Variants in DENND1B observed in about 807,000 individuals in gnomAD.
DENND1B encodes DENN domain-containing protein 1B.
Under a neutral mutation model 90.1 loss-of-function variants are expected in DENND1B, and 59 were observed. That is an observed-to-expected ratio of 0.65 (90% confidence interval 0.53 to 0.81). The LOEUF is 0.81. Among genes scored for constraint, DENND1B ranks in the 40% least tolerant of loss-of-function variants. The pLI is 0.00. For missense variants in DENND1B, 862 were observed against 912.6 expected (o/e 0.94, Z 0.71); for synonymous variants, 337 against 324.6 (o/e 1.04, Z -0.41).
At chr1:197,735,812 CA>C in intron 2 of DENND1B, 1 of 1,607,060 alleles carries the variant, frequency 6.2e-7, no homozygotes. Flanking sequence ...GAAAGAAGCA[CA>C]AAAAGGGACA....
intron 16 of DENND1B, 179 bp downstream of exon 16, chr1:197,552,843 G>GT (rs1671353896): frequency 1.5e-6 from 2 of 1,363,210 alleles, no homozygotes; most frequent in African/African-American, 3.1e-5. Flanking sequence ...TGAGTAACAG[G>GT]TATCAGGCAA....
At chr1:197,664,838 T>C (rs1654781483) in intron 5 of DENND1B, among the ~76,000 whole-genome samples, 1 of 152,020 alleles carries the variant, frequency 6.6e-6, no homozygotes, top group Non-Finnish European at 1.5e-5. Context: ...AGCTTTAGGT[T>C]TGGAATGAGT....
upstream of DENND1B, among the ~76,000 whole-genome samples, chr1:197,779,709 T>C (rs895566414): frequency 4.6e-5 from 7 of 151,630 alleles, no homozygotes; most frequent in African/African-American, 1.2e-4. Context: ...AAGTTCTGTT[T>C]GGTTATTTTC....
chr1:197,526,438 G>A (rs1239087588), intron 20 of DENND1B, among the ~76,000 whole-genome samples: 2 of 151,260 alleles, frequency 1.3e-5, no homozygotes, highest in Admixed American at 6.6e-5. Context: ...AAGGCAACAG[G>A]GAAAAAAAAC....
intron 10 of DENND1B, among the ~76,000 whole-genome samples, chr1:197,632,039 C>A (rs574345985): frequency 3.9e-5 from 6 of 152,040 alleles, no homozygotes; most frequent in East Asian, 3.9e-4. Flanking sequence ...TTTCTAAAAC[C>A]CAACCTCACC....
chr1:197,585,842 G>A (rs765924163), intron 14 of DENND1B, among the ~76,000 whole-genome samples: 6 of 152,154 alleles, frequency 3.9e-5, no homozygotes, highest in Non-Finnish European at 7.4e-5. Context: ...TAAGGCATAT[G>A]TTATGAAAGA....
chr1:197,780,129 C>G (rs898057826), upstream of DENND1B, among the ~76,000 whole-genome samples: 1 of 152,080 alleles, frequency 6.6e-6, no homozygotes, highest in Non-Finnish European at 1.5e-5. Flanking sequence ...AAGCTTTTTT[C>G]CCCTTAACTA....
intron 2 of DENND1B, among the ~76,000 whole-genome samples, chr1:197,737,865 T>C (rs1316376697): frequency 1.3e-5 from 2 of 152,208 alleles, no homozygotes; most frequent in African/African-American, 4.8e-5. Context: ...GGTAGAACTG[T>C]GTTTTCCAAT....
chr1:197,518,918 T>TG (rs1010856641), intron 20 of DENND1B, among the ~76,000 whole-genome samples: 4 of 151,948 alleles, frequency 2.6e-5, no homozygotes, highest in African/African-American at 9.7e-5. Context: ...TGCTGAGTGC[T>TG]GTCTAGCATT....
At chr1:197,747,685 T>C (rs1652885259) in intron 2 of DENND1B, among the ~76,000 whole-genome samples, 1 of 152,218 alleles carries the variant, frequency 6.6e-6, no homozygotes, top group Non-Finnish European at 1.5e-5. Flanking sequence ...TAAAACAAGA[T>C]TTGCCTAAAG....
intron 10 of DENND1B, among the ~76,000 whole-genome samples, chr1:197,637,163 A>T (rs539399918): frequency 6.6e-6 from 1 of 152,292 alleles, no homozygotes; most frequent in African/African-American, 2.4e-5. Flanking sequence ...TGATTACACT[A>T]TCAGCACAAA....
chr1:197,729,299 C>A (rs1400122684), intron 2 of DENND1B, among the ~76,000 whole-genome samples: 3 of 152,114 alleles, frequency 2.0e-5, no homozygotes, highest in African/African-American at 7.2e-5. Flanking sequence ...ATTTTCCATT[C>A]TTTCCATTCA....
intron 20 of DENND1B, among the ~76,000 whole-genome samples, chr1:197,528,762 A>G (rs1001946442): frequency 4.0e-5 from 6 of 150,960 alleles, no homozygotes; most frequent in Admixed American, 3.3e-4. Context: ...TGGGAGGCTG[A>G]GGCAGGAGAA....
chr1:197,546,202 T>C (rs1015283524), intron 17 of DENND1B, among the ~76,000 whole-genome samples: 15 of 152,194 alleles, frequency 9.9e-5, no homozygotes, highest in Non-Finnish European at 1.9e-4. Flanking sequence ...CCTTGTTCTT[T>C]AGTTGATATA....
chr1:197,704,775 A>G (rs1202485058), intron 3 of DENND1B, among the ~76,000 whole-genome samples: 2 of 152,178 alleles, frequency 1.3e-5, no homozygotes, highest in Non-Finnish European at 2.9e-5. Flanking sequence ...CAAGAGAAAA[A>G]TTATTACAAT....
At chr1:197,716,896 T>C (rs1660696937) in intron 2 of DENND1B, among the ~76,000 whole-genome samples, 1 of 152,020 alleles carries the variant, frequency 6.6e-6, no homozygotes, top group African/African-American at 2.4e-5. Context: ...TTGCTGTTTG[T>C]AGCATTTACC....
chr1:197,508,066 T>C lies in DENND1B; in HGVS notation c.*2394A>G, dbSNP rs1166677546. ...ATAACCAAACACCTTGAAAGGTGGC[T>C]GAAAAGTAGAACAAAATTTGGATTT... On this transcript the variant is annotated 3_prime_UTR_variant, in exon 23 of 23. Coordinates refer to ENST00000620048, the MANE Select transcript of DENND1B (RefSeq NM_001195215.2). 6.6e-6 allele frequency: 1 copy of C among 151,548 alleles called. No individual in the cohort carries two copies. Among genetic ancestry groups the C allele is most frequent in the Non-Finnish European group, 1.5e-5 (1 of 67,714 alleles). 9.4% of individuals were successfully genotyped at this position (151,548 alleles called of 1,614,324 possible). A position where few individuals can be genotyped will look rare whatever the true frequency, so the allele number is the denominator to read the frequency against.
chr1:197,595,443 T>C (rs569692907), intron 13 of DENND1B, 110 bp from the exon 14 acceptor site: 3 of 1,320,224 alleles, frequency 2.3e-6, no homozygotes, highest in African/African-American at 1.5e-5. Flanking sequence ...CAAAAATTCA[T>C]CCTCCTCCCT....
chr1:197,645,581 A>G, intron 9 of DENND1B, 109 bp downstream of exon 9: 2 of 527,048 alleles, frequency 3.8e-6, no homozygotes, highest in South Asian at 5.4e-5. Context: ...ACAAACACAG[A>G]TAATTACAAT....
Sources: gnomAD v4.1 joint callset for allele counts (sites outside exome capture counted in the v4.1 genomes callset) on GRCh38, gnomAD v4.1.1 for gene constraint, MANE v1.5 for transcripts, NCBI Gene and HGNC (gene_info 2026-07-23, HGNC 2026-07-21) for gene names.